Variants in MAP3K14 observed in about 807,000 individuals in gnomAD.
MAP3K14 encodes mitogen-activated protein kinase kinase kinase 14.
A neutral mutation model predicts 99.2 loss-of-function variants in MAP3K14; 16 were observed. The ratio of observed to expected loss-of-function variants is 0.16; its 90% confidence interval spans 0.11 to 0.24. The LOEUF (loss-of-function observed/expected upper bound fraction) is 0.24. Ranked by LOEUF, MAP3K14 falls within the 10% of genes least tolerant of loss-of-function variation. The probability of loss-of-function intolerance (pLI) is 1.00; values close to 1 mark genes in which losing one functional copy is unlikely to be tolerated. For missense variants in MAP3K14, 784 were observed against 1,208.7 expected (o/e 0.65, Z 5.21); for synonymous variants, 462 against 492.4 (o/e 0.94, Z 0.82).
intron 6 of MAP3K14, 87 bp downstream of exon 6, chr17:45,284,725 G>T: frequency 6.9e-7 from 1 of 1,458,780 alleles, no homozygotes. Context: ...CGGCCACCCT[G>T]CGACTGTCCT....
chr17:45,292,409 T>C (rs548541768), intron 1 of MAP3K14, among the ~76,000 whole-genome samples: 23 of 151,880 alleles, frequency 1.5e-4, no homozygotes, highest in African/African-American at 5.6e-4. Flanking sequence ...TACAAAAAAA[T>C]ACAAAAAATT....
At chr17:45,283,001 T>C (rs889454075) in intron 6 of MAP3K14, among the ~76,000 whole-genome samples, 33 of 152,340 alleles carry the variant, frequency 2.2e-4, no homozygotes, top group African/African-American at 7.9e-4. Flanking sequence ...GCTGCAGCTC[T>C]GGTGCTGAGA....
chr17:45,294,338 C>G (rs766541429), intron 1 of MAP3K14, among the ~76,000 whole-genome samples: 4 of 152,196 alleles, frequency 2.6e-5, no homozygotes, highest in Non-Finnish European at 5.9e-5. Flanking sequence ...GCCTCAGTGA[C>G]CTCCTGGAGA....
chr17:45,290,576 A>G lies in MAP3K14; in HGVS notation c.170T>C (p.Ile57Thr). ...GCCCTTGGTAATCACGTCATTCAGG[A>G]TCTCCCACTTTCCGCAGAACACAGG... ...KSPVFCGKWE[I>T]LNDVITKGTA... is the part of the protein sequence containing the mutation. Residue 57 changes from isoleucine to threonine, a missense_variant, in exon 2 of 16, where the codon ATC (isoleucine) becomes ACC (threonine). By Grantham distance (89) the Ile-to-Thr change is moderately conservative (BLOSUM62 -1). Coordinates refer to ENST00000344686, the MANE Select transcript of MAP3K14 (RefSeq NM_003954.5). 1.2e-6 allele frequency: 2 copies of G among 1,613,570 alleles called. No homozygotes were observed. The highest frequency in any genetic ancestry group is 1.7e-6 in the Non-Finnish European group (2 of 1,179,796).
intron 1 of MAP3K14, among the ~76,000 whole-genome samples, chr17:45,302,382 A>G (rs1002877337): frequency 6.6e-6 from 1 of 152,126 alleles, no homozygotes; most frequent in Non-Finnish European, 1.5e-5. Flanking sequence ...ATCTTGGCTT[A>G]CTGCAACTTC....
intron 6 of MAP3K14, among the ~76,000 whole-genome samples, chr17:45,275,094 G>A (rs1048420619): frequency 6.6e-6 from 1 of 151,448 alleles, no homozygotes; most frequent in African/African-American, 2.4e-5. Context: ...AGCTGAGATT[G>A]CGCCAGTGCA....
intron 6 of MAP3K14, among the ~76,000 whole-genome samples, chr17:45,276,879 G>A (rs1333989484): frequency 2.3e-5 from 3 of 129,588 alleles, no homozygotes; most frequent in Admixed American, 1.7e-4. Flanking sequence ...CCAGGCTGGA[G>A]TGCAGTGGTG....
chr17:45,273,307 C>T (rs917060532), intron 9 of MAP3K14, among the ~76,000 whole-genome samples, 196 bp downstream of exon 9: 1 of 152,118 alleles, frequency 6.6e-6, no homozygotes, highest in South Asian at 2.1e-4. Flanking sequence ...ACAGGAGCAT[C>T]GACAATGAGC....
At chr17:45,271,845 G>C (rs905891397) in intron 9 of MAP3K14, among the ~76,000 whole-genome samples, 1 of 152,152 alleles carries the variant, frequency 6.6e-6, no homozygotes, top group Non-Finnish European at 1.5e-5. Flanking sequence ...TAGAAGGCTA[G>C]TAAGTAATAC....
chr17:45,302,221 C>T (rs145175847), intron 1 of MAP3K14, among the ~76,000 whole-genome samples: 1,965 of 151,958 alleles, frequency 0.013, 59 homozygotes, highest in African/African-American at 0.046. Context: ...TCCTTCCCTC[C>T]ATTCCTATAA....
intron 9 of MAP3K14, 91 bp downstream of exon 9, chr17:45,273,412 T>C (rs1017113690): frequency 5.2e-6 from 5 of 955,570 alleles, no homozygotes; most frequent in South Asian, 4.6e-5. Flanking sequence ...TGGACCTAAG[T>C]GTTCACACCT....
chr17:45,289,160 G>T, intron 3 of MAP3K14, 76 bp downstream of exon 3: 1 of 1,346,832 alleles, frequency 7.4e-7, no homozygotes, highest in Non-Finnish European at 1.1e-6. Context: ...AGCAGGAGCG[G>T]CCCAGGCAAG....
intron 6 of MAP3K14, among the ~76,000 whole-genome samples, chr17:45,283,208 A>T (rs1376042169): frequency 6.6e-6 from 1 of 151,712 alleles, no homozygotes; most frequent in Non-Finnish European, 1.5e-5. Flanking sequence ...GTCTCTTCAC[A>T]CTCTCACACT....
intron 6 of MAP3K14, among the ~76,000 whole-genome samples, chr17:45,283,804 T>C (rs138913648): frequency 6.6e-5 from 10 of 152,318 alleles, no homozygotes; most frequent in Admixed American, 3.9e-4. Context: ...AGAGCTTACT[T>C]CACCCTGCCC....
In MAP3K14 at chr17:45,286,084, T is replaced by C. The variant is rs2044262251; in HGVS notation, c.1152+347A>G. Among the ~76,000 whole-genome samples, 1 of 147,080 alleles carries C rather than the reference T, an allele frequency of 6.8e-6. No individual in the cohort carries two copies. Among genetic ancestry groups the C allele is most frequent in the African/African-American group, 2.5e-5 (1 of 40,012 alleles). On this transcript the variant is annotated intron_variant, in intron 5 of 15. Coordinates refer to ENST00000344686, the MANE Select transcript of MAP3K14 (RefSeq NM_003954.5). This position sits in a 1 kb window ranked among gnomAD's most constrained non-coding sequence, Gnocchi z 4.1. Reference sequence around the variant, plus strand: ...TAACAAGAGGAAAAAGGGAAGGAGGTGGGTGGTGAAAACAGGTCCCATCCT... The same window carrying C: ...TAACAAGAGGAAAAAGGGAAGGAGGCGGGTGGTGAAAACAGGTCCCATCCT...
intron 6 of MAP3K14, among the ~76,000 whole-genome samples, chr17:45,280,114 G>A (rs1252577032): frequency 1.3e-5 from 2 of 152,164 alleles, no homozygotes; most frequent in Non-Finnish European, 2.9e-5. Context: ...CTTGGCCAGG[G>A]CCACATTATC....
chr17:45,281,319 T>C (rs1324495445), intron 6 of MAP3K14, among the ~76,000 whole-genome samples: 1 of 149,412 alleles, frequency 6.7e-6, no homozygotes, highest in African/African-American at 2.5e-5. Context: ...ATTATAGGTA[T>C]AAGTGCCGCA....
At chr17:45,270,805 G>C in intron 10 of MAP3K14, 1 of 745,946 alleles carries the variant, frequency 1.3e-6, no homozygotes, top group Non-Finnish European at 2.2e-6. Flanking sequence ...GGCCCGTTAG[G>C]AGGCAGGTGG....
At position 45,264,449 on chromosome 17, in the gene MAP3K14, G is replaced by T; in HGVS notation, c.*187C>A. 1 of 652,342 alleles carries T rather than the reference G, an allele frequency of 1.5e-6. No individual in the cohort carries two copies. The highest frequency in any genetic ancestry group is 2.5e-6 in the Non-Finnish European group (1 of 392,634). 40.4% of individuals were successfully genotyped at this position (652,342 alleles called of 1,614,324 possible). ...TGTTTTCTCAGCAGGGTGGGGCAGG[G>T]CTCAGGTGTGAAATCCTGGGAGGCA... On this transcript the variant is annotated 3_prime_UTR_variant, in exon 16 of 16. Coordinates refer to ENST00000344686, the MANE Select transcript of MAP3K14 (RefSeq NM_003954.5).
Sources: gnomAD v4.1 joint callset for allele counts (sites outside exome capture counted in the v4.1 genomes callset) on GRCh38, gnomAD v4.1.1 for gene constraint, Gnocchi (gnomAD v3.1) non-coding constraint, MANE v1.5 for transcripts, NCBI Gene and HGNC (gene_info 2026-07-23, HGNC 2026-07-21) for gene names.